KNL1: variants seen among roughly 807,000 people sequenced by gnomAD.
KNL1 encodes kinetochore scaffold 1.
In KNL1, 66 loss-of-function variants were observed where a neutral mutation model predicts 201.3. The observed-to-expected ratio is 0.33, with a 90% CI of 0.27 to 0.40. The LOEUF (loss-of-function observed/expected upper bound fraction) is 0.40. Ranked by LOEUF, KNL1 falls within the 10% of genes least tolerant of loss-of-function variation. The pLI is 1.00. For synonymous variants in KNL1, 895 were observed against 899.2 expected (o/e 1.00, Z 0.08); for missense variants, 2,815 against 2,690.5 (o/e 1.05, Z -1.02).
intron 1 of KNL1, among the ~76,000 whole-genome samples, chr15:40,595,579 T>C (rs1334050745): frequency 6.6e-6 from 1 of 152,212 alleles, no homozygotes; most frequent in African/African-American, 2.4e-5. Context: ...GTATTAATGA[T>C]GTGTTCGATG....
chr15:40,624,674 T>C lies in KNL1; in HGVS notation c.4410T>C (p.Ala1470=). The C allele has an allele frequency of 6.2e-7, 1 of 1,612,708 alleles. No homozygotes were observed. The highest frequency in any genetic ancestry group is 2.2e-5 in the East Asian group (1 of 44,856). ...INKEEVILSK[A]GNKSLNIIEN... ...AAGAAGAAGTAATACTGTCTAAAGC[T>C]GGAAATAAGAGTTTAAATATTATAG... Residue 1470 remains alanine (A), a synonymous_variant, in exon 10 of 26, where the codon GCT becomes GCC. Transcript: ENST00000399668.
Position 40,658,915 on chromosome 15 carries a change from G to A in KNL1, c.6714-424G>A, listed in dbSNP as rs1284708691. On this transcript the variant is annotated intron_variant, in intron 24 of 25. Transcript: ENST00000399668. ...ACTGCACTCCAGCCTGGGTGACAGA[G>A]CGAGACTCCATCTCAAAAAAAAAAA... is the stretch of plus-strand genomic sequence containing the variant. Among the ~76,000 whole-genome samples the A allele has an allele frequency of 4.4e-4, 65 of 147,802 alleles. 1 individual carries two copies. Among genetic ancestry groups the A allele is most frequent in the Admixed American group, 4.8e-4 (7 of 14,608 alleles).
At chr15:40,658,485 C>T (rs1472218470) in intron 24 of KNL1, among the ~76,000 whole-genome samples, 4 of 130,266 alleles carry the variant, frequency 3.1e-5, no homozygotes, top group South Asian at 2.6e-4. Context: ...GCCGAGATCA[C>T]GCCACTGCAC....
chr15:40,626,405 A>T (rs548567993), intron 10 of KNL1, among the ~76,000 whole-genome samples: 196 of 150,540 alleles, frequency 1.3e-3, no homozygotes, highest in African/African-American at 4.7e-3. Context: ...TCCTGATCTC[A>T]GGTGATCCAC....
intron 13 of KNL1, among the ~76,000 whole-genome samples, chr15:40,640,098 C>CTT (rs544723388): frequency 0.017 from 2,110 of 124,480 alleles, 80 homozygotes; most frequent in African/African-American, 0.06. Flanking sequence ...TTTTTCTTTT[C>CTT]TTTTTTTTTT....
At position 40,662,393 on chromosome 15, in the gene KNL1, A is replaced by G. The variant is rs73396506; in HGVS notation, c.*205A>G. 2.9e-3 allele frequency: 1,349 copies of G among 472,438 alleles called. 12 individuals are homozygous for G. The highest frequency in any genetic ancestry group is 0.025 in the African/African-American group (1,240 of 50,494). 29.3% of individuals were successfully genotyped at this position (472,438 alleles called of 1,614,324 possible). Reference sequence around the variant, plus strand: ...TGGTAGGCCTCATAGCCTACTATCAACTTACTCATCTTTGTACCAAAGGTT... The same window carrying G: ...TGGTAGGCCTCATAGCCTACTATCAGCTTACTCATCTTTGTACCAAAGGTT... On this transcript the variant is annotated 3_prime_UTR_variant, in exon 26 of 26. Coordinates refer to ENST00000399668, the MANE Select transcript of KNL1 (RefSeq NM_144508.5).
At chr15:40,595,672 G>T (rs1342714169) in intron 1 of KNL1, among the ~76,000 whole-genome samples, 1 of 152,190 alleles carries the variant, frequency 6.6e-6, no homozygotes, top group Non-Finnish European at 1.5e-5. Flanking sequence ...TGTGAAAATG[G>T]TAATGTTTTA....
rs781329861 is a variant in KNL1 at position 40,621,616 on chromosome 15, A to G, written c.1352A>G (p.Asn451Ser). 1.1e-5 allele frequency: 18 copies of G among 1,611,534 alleles called. No individual in the cohort carries two copies. Among genetic ancestry groups the G allele is most frequent in the Non-Finnish European group, 1.5e-5 (18 of 1,178,900 alleles). ...KCLSNMREEK[N>S]LLKHDSNYAK... is the part of the protein sequence containing the mutation. ...CTCTCAAATATGAGAGAGGAGAAAA[A>G]TTTGCTAAAGCATGACAGTAATTAT... The change falls in exon 10 of 26, where the codon AAT becomes AGT. Residue 451 changes from asparagine (N) to serine (S), a missense_variant. By Grantham distance (46) the Asn-to-Ser change is conservative (BLOSUM62 1). Transcript: ENST00000399668.
At chr15:40,610,776 G>A (rs745378982) in intron 6 of KNL1, 17 of 455,472 alleles carry the variant, frequency 3.7e-5, no homozygotes, top group Admixed American at 3.3e-4. Flanking sequence ...ATTTTGAGAC[G>A]GATTTTCACT....
At chr15:40,620,154 C>T (rs1267243588) in intron 9 of KNL1, among the ~76,000 whole-genome samples, 2 of 152,116 alleles carry the variant, frequency 1.3e-5, no homozygotes, top group Non-Finnish European at 1.5e-5. Flanking sequence ...GGCAATCCCC[C>T]TGCCTCAGCC....
At position 40,651,427 on chromosome 15, in the gene KNL1, C is replaced by G. The variant is rs368042253; in HGVS notation, c.6213-44C>G. 3.4e-5 allele frequency: 47 copies of G among 1,362,676 alleles called. No individual in the cohort carries two copies. In the African/African-American group the frequency reaches 6.6e-4, roughly 19 times the overall value. The allele number at this position is 1,362,676 out of a possible 1,614,324, so 84.4% of individuals were successfully genotyped here. On this transcript the variant is annotated intron_variant, in intron 19 of 25. Transcript: ENST00000399668. ...CTTTTATATTGATAGAGTGAATTCT[C>G]TAACAAAAACCTTATCTCTCTGAAT...
At chr15:40,651,441 A>T in intron 19 of KNL1, 30 bp from the exon 20 acceptor site, 2 of 1,481,686 alleles carry the variant, frequency 1.3e-6, no homozygotes, top group Non-Finnish European at 1.8e-6. Flanking sequence ...CAAAAACCTT[A>T]TCTCTCTGAA....
intron 1 of KNL1, among the ~76,000 whole-genome samples, chr15:40,597,373 G>T (rs1190981972): frequency 6.6e-6 from 1 of 152,106 alleles, no homozygotes; most frequent in African/African-American, 2.4e-5. Context: ...TCCTGCTTCA[G>T]CCTCCCAAGT....
chr15:40,662,942 A>G lies in KNL1; in HGVS notation c.*754A>G. 5.4e-6 allele frequency: 1 copy of G among 184,034 alleles called. No homozygotes were observed. The highest frequency in any genetic ancestry group is 1.2e-5 in the Non-Finnish European group (1 of 86,646). 11.4% of individuals were successfully genotyped at this position (184,034 alleles called of 1,614,324 possible). ...TCCACTGCACTCCAGCCTAGGCAACAGAGCAAGACCCTGTCTCAAAAAAAC... is the reference window on the plus strand; with the variant it reads ...TCCACTGCACTCCAGCCTAGGCAACGGAGCAAGACCCTGTCTCAAAAAAAC... On this transcript the variant is annotated 3_prime_UTR_variant, in exon 26 of 26. Coordinates refer to ENST00000399668, the MANE Select transcript of KNL1 (RefSeq NM_144508.5).
At chr15:40,628,790 T>TTC in intron 12 of KNL1, 112 bp downstream of exon 12, 1 of 577,766 alleles carries the variant, frequency 1.7e-6, no homozygotes, top group Non-Finnish European at 3.0e-6. Flanking sequence ...AATTACGAAA[T>TTC]ATTTCAAATA....
At chr15:40,602,888 T>C in intron 1 of KNL1, 27 bp from the exon 2 acceptor site, 1 of 1,283,146 alleles carries the variant, frequency 7.8e-7, no homozygotes, top group Non-Finnish European at 1.1e-6. Flanking sequence ...TTTCCTCATG[T>C]TTTCTAATAT....
Position 40,621,943 on chromosome 15 carries a change from C to G in KNL1, c.1679C>G (p.Thr560Ser). 6.2e-7 allele frequency: 1 copy of G among 1,613,638 alleles called. No homozygotes were observed. Among genetic ancestry groups the G allele is most frequent in the Non-Finnish European group, 8.5e-7 (1 of 1,179,702 alleles). Residue 560 changes from threonine (T) to serine (S), a missense_variant, in exon 10 of 26, where the codon ACT (threonine) becomes AGT (serine). Physicochemically the swap from Thr to Ser is moderately conservative, Grantham distance 58. Coordinates refer to ENST00000399668, the MANE Select transcript of KNL1 (RefSeq NM_144508.5). Reference protein sequence around the residue: ...SLSNPLSISLTDRKTELLSGE... With the variant: ...SLSNPLSISLSDRKTELLSGE... ...TCAAATCCTTTGTCTATTTCATTGA[C>G]TGATAGAAAGACTGAACTCTTATCA...
At position 40,628,069 on chromosome 15, in the gene KNL1, G is replaced by A; in HGVS notation, c.5377-1G>A. ...TGATATTCCTTAATTGACAATTTCA[G>A]ATTTTTGATCACCATACTGAAGAGG... On this transcript the variant is annotated splice_acceptor_variant, in intron 10 of 25. Transcript: ENST00000399668. LOFTEE classifies it high-confidence loss of function. 1 of 1,580,820 alleles carries A rather than the reference G, an allele frequency of 6.3e-7. No individual in the cohort carries two copies. The highest frequency in any genetic ancestry group is 8.6e-7 in the Non-Finnish European group (1 of 1,166,412).
chr15:40,654,009 CTTGCTGTGTTTA>C (rs1256225935), intron 21 of KNL1, among the ~76,000 whole-genome samples: 1 of 152,144 alleles, frequency 6.6e-6, no homozygotes, highest in Non-Finnish European at 1.5e-5. Flanking sequence ...GTTTGTAGTT[CTTGCTGTGTTTA>C]TTAGTGCAGT....
Sources: allele counts gnomAD v4.1 joint callset (sites outside exome capture counted in the v4.1 genomes callset), GRCh38; gene constraint gnomAD v4.1.1; transcripts MANE v1.5; gene names NCBI Gene and HGNC (gene_info 2026-07-23, HGNC 2026-07-21).